Variants in TMEM163 observed in about 807,000 individuals in gnomAD.
TMEM163 encodes the protein transmembrane protein 163.
Under a neutral mutation model 29.3 loss-of-function variants are expected in TMEM163, and 17 were observed. That is an observed-to-expected ratio of 0.58 (90% CI 0.40 to 0.87). TMEM163 has a LOEUF of 0.87. Among genes scored for constraint, TMEM163 ranks in the 40% least tolerant of loss-of-function variants. The pLI is 0.00. For missense variants in TMEM163, 303 were observed against 381.5 expected, an observed-to-expected ratio of 0.79 and a Z score of 1.71; for synonymous variants, 157 against 160.6, an observed-to-expected ratio of 0.98 and a Z score of 0.17.
At chr2:134,471,709 C>T (rs755370516) in intron 5 of TMEM163, among the ~76,000 whole-genome samples, 1 of 152,148 alleles carries the variant, frequency 6.6e-6, no homozygotes, top group Non-Finnish European at 1.5e-5. Flanking sequence ...TAGGCTGTTC[C>T]ACCACTGACT....
At chr2:134,713,352 A>C (rs1417195766) in intron 1 of TMEM163, 33 bp from the exon 2 acceptor site, 6 of 1,611,488 alleles carry the variant, frequency 3.7e-6, no homozygotes, top group Non-Finnish European at 4.2e-6. Flanking sequence ...GAAGTTAGAC[A>C]TTTCCTTACT....
chr2:134,695,000 A>G (rs1684546503), intron 2 of TMEM163, among the ~76,000 whole-genome samples: 1 of 152,230 alleles, frequency 6.6e-6, no homozygotes, highest in Non-Finnish European at 1.5e-5. Flanking sequence ...ATTCCTCCTT[A>G]AAGACATCAG....
At chr2:134,561,036 A>T (rs1185375801) in intron 2 of TMEM163, among the ~76,000 whole-genome samples, 1 of 152,244 alleles carries the variant, frequency 6.6e-6, no homozygotes, top group Non-Finnish European at 1.5e-5. Context: ...GTCTGGGAAT[A>T]AGCAGGAGGA....
chr2:134,511,491 T>C (rs1301314777), intron 4 of TMEM163, among the ~76,000 whole-genome samples: 2 of 152,212 alleles, frequency 1.3e-5, no homozygotes, highest in African/African-American at 4.8e-5. Flanking sequence ...CTGGCTGCTC[T>C]TTTGAGAAAA....
At chr2:134,540,696 C>T (rs1680645486) in intron 4 of TMEM163, among the ~76,000 whole-genome samples, 1 of 152,192 alleles carries the variant, frequency 6.6e-6, no homozygotes, top group African/African-American at 2.4e-5. Flanking sequence ...CAGGAGCCTT[C>T]AGGAACAAAC....
rs553573741 is a variant in TMEM163, at chr2:134,460,215, C to T, written c.668-2042G>A. 2.6e-5 allele frequency among the ~76,000 whole-genome samples: 4 copies of T among 152,148 alleles called. No homozygotes were observed. The highest frequency in any genetic ancestry group is 2.1e-4 in the South Asian group (1 of 4,820). On this transcript the variant is annotated intron_variant, in intron 6 of 7. Coordinates refer to ENST00000281924, the MANE Select transcript of TMEM163 (RefSeq NM_030923.5). This position sits in a 1 kb window ranked among gnomAD's most constrained non-coding sequence, Gnocchi z 4.3. The stretch of plus-strand genomic sequence containing the variant: ...CCAGACTCTCCCGCAGGAAAGCCCC[C>T]GTCACGGGCTCAAATCCCACCAGAC...
intron 4 of TMEM163, among the ~76,000 whole-genome samples, chr2:134,531,688 G>T (rs1229290228): frequency 6.6e-6 from 1 of 151,606 alleles, no homozygotes; most frequent in Middle Eastern, 3.4e-3. Flanking sequence ...ACAGGAGAAG[G>T]GGGTACAGTG....
chr2:134,524,603 C>T lies in TMEM163; in HGVS notation c.459-21606G>A, dbSNP rs930194009. On this transcript the variant is annotated intron_variant, in intron 4 of 7. Transcript: ENST00000281924. ...ATGTGTTCTCACTGTTCAGCTCCCA[C>T]TTATGAGAACATGTGGTGTTCGGCT... Among the ~76,000 whole-genome samples, 13 of 150,088 alleles carry T rather than the reference C, an allele frequency of 8.7e-5. 1 individual carries two copies. The highest frequency in any genetic ancestry group is 3.2e-4 in the African/African-American group (13 of 40,878).
intron 2 of TMEM163, among the ~76,000 whole-genome samples, chr2:134,678,003 G>A (rs1016176296): frequency 3.3e-5 from 5 of 152,206 alleles, no homozygotes; most frequent in African/African-American, 7.2e-5. Context: ...AAACGAAGGC[G>A]TGCCAGCAAT....
intron 2 of TMEM163, among the ~76,000 whole-genome samples, chr2:134,589,174 C>A (rs967426659): frequency 2.6e-5 from 4 of 152,080 alleles, no homozygotes; most frequent in African/African-American, 9.7e-5. Flanking sequence ...ACACAGGACC[C>A]AGGCACTGAA....
chr2:134,457,082 T>C (rs1686414440), intron 7 of TMEM163, among the ~76,000 whole-genome samples: 1 of 152,198 alleles, frequency 6.6e-6, no homozygotes, highest in Non-Finnish European at 1.5e-5. Context: ...ACTTCCTTCA[T>C]AATATTTGAG....
chr2:134,666,777 C>G (rs58908769), intron 2 of TMEM163, among the ~76,000 whole-genome samples: 2,139 of 152,292 alleles, frequency 0.014, 44 homozygotes, highest in African/African-American at 0.049. Context: ...ATAGTGTCTG[C>G]CTACCACATA....
At chr2:134,474,913 A>G (rs988623687) in intron 5 of TMEM163, among the ~76,000 whole-genome samples, 14 of 152,170 alleles carry the variant, frequency 9.2e-5, no homozygotes, top group African/African-American at 3.1e-4. Flanking sequence ...GTTCTCCCCA[A>G]ACCGATCTGG....
At chr2:134,636,618 C>T (rs542214792) in intron 2 of TMEM163, among the ~76,000 whole-genome samples, 1 of 152,132 alleles carries the variant, frequency 6.6e-6, no homozygotes, top group Admixed American at 6.5e-5. Context: ...AGCCCTTTCC[C>T]AAAACAAACC....
chr2:134,563,259 T>C (rs973398802), intron 2 of TMEM163, among the ~76,000 whole-genome samples: 1 of 152,176 alleles, frequency 6.6e-6, no homozygotes, highest in African/African-American at 2.4e-5. Context: ...TTCCCCAAGG[T>C]AGATCACTGA....
At chr2:134,498,212 G>T (rs959337590) in intron 5 of TMEM163, among the ~76,000 whole-genome samples, 3 of 152,124 alleles carry the variant, frequency 2.0e-5, no homozygotes, top group Non-Finnish European at 4.4e-5. Context: ...TTGGACAGAT[G>T]CGGCCACGCC....
intron 2 of TMEM163, among the ~76,000 whole-genome samples, chr2:134,571,470 GA>G (rs1010794557): frequency 1.3e-5 from 2 of 148,998 alleles, no homozygotes; most frequent in Non-Finnish European, 3.0e-5. Flanking sequence ...TTTTTACTCC[GA>G]AAAAAAAAAT....
At chr2:134,541,783 C>CACACACACACACACACACAT (rs1680675924) in intron 4 of TMEM163, among the ~76,000 whole-genome samples, 1 of 151,232 alleles carries the variant, frequency 6.6e-6, no homozygotes, top group Non-Finnish European at 1.5e-5. Context: ...CACACACACA[C>CACACACACACACACACACAT]ACACACACAC....
At chr2:134,514,701 C>A (rs1390150594) in intron 4 of TMEM163, among the ~76,000 whole-genome samples, 2 of 152,204 alleles carry the variant, frequency 1.3e-5, no homozygotes, top group African/African-American at 2.4e-5. Context: ...CAACCTCACA[C>A]CCCTACCTTT....
Sources: allele counts gnomAD v4.1 joint callset (sites outside exome capture counted in the v4.1 genomes callset), GRCh38; gene constraint gnomAD v4.1.1; non-coding constraint Gnocchi (gnomAD v3.1); transcripts MANE v1.5; gene names NCBI Gene and HGNC (gene_info 2026-07-23, HGNC 2026-07-21).